The following SNTG2 variants were observed in gnomAD, a reference collection of about 807,000 sequenced individuals.
The protein encoded by SNTG2 is syntrophin gamma 2.
SNTG2 carries 74 observed loss-of-function variants against 70.9 expected under a neutral mutation model. The observed-to-expected ratio is 1.04, with a 90% confidence interval of 0.86 to 1.27. The LOEUF is 1.27. Among genes scored for constraint, SNTG2 ranks in the 50% most tolerant of loss-of-function variants. SNTG2 has a pLI of 0.00. For synonymous variants in SNTG2, 278 were observed against 273.8 expected (o/e 1.02, Z -0.15); for missense variants, 717 against 690.7 (o/e 1.04, Z -0.43).
At chr2:1,248,712 C>T (rs778774390) in intron 12 of SNTG2, among the ~76,000 whole-genome samples, 1 of 152,152 alleles carries the variant, frequency 6.6e-6, no homozygotes, top group Non-Finnish European at 1.5e-5. Context: ...TATTGAAAGA[C>T]TCGGAGGAGG....
chr2:1,299,872 G>T (rs1028259778), intron 14 of SNTG2, among the ~76,000 whole-genome samples: 1 of 152,208 alleles, frequency 6.6e-6, no homozygotes, highest in Non-Finnish European at 1.5e-5. Context: ...AGAATTCAAC[G>T]TAAGGCACTT....
intron 16 of SNTG2, among the ~76,000 whole-genome samples, chr2:1,329,657 T>C (rs1283218398): frequency 1.3e-5 from 2 of 152,216 alleles, no homozygotes; most frequent in Non-Finnish European, 2.9e-5. Context: ...TGCTTTTCTT[T>C]CCTTCATGTG....
chr2:1,151,774 T>C (rs2147808313), intron 6 of SNTG2, among the ~76,000 whole-genome samples: 1 of 152,320 alleles, frequency 6.6e-6, no homozygotes, highest in South Asian at 2.1e-4. Context: ...TGAGCACAGC[T>C]GCTCACACTC....
At chr2:1,346,714 G>C (rs1660302989) in intron 16 of SNTG2, 1 of 152,294 alleles carries the variant, frequency 6.6e-6, no homozygotes, top group African/African-American at 2.4e-5. Context: ...TCGGGTTGCA[G>C]TTTGGTTTCA....
chr2:954,177 G>A (rs905180731), intron 1 of SNTG2, among the ~76,000 whole-genome samples: 1 of 152,192 alleles, frequency 6.6e-6, no homozygotes. Context: ...CTGGGCATGG[G>A]GCGGACACAG....
chr2:978,971 G>C (rs1436542867), intron 1 of SNTG2, among the ~76,000 whole-genome samples: 1 of 152,246 alleles, frequency 6.6e-6, no homozygotes, highest in Non-Finnish European at 1.5e-5. Context: ...CACTTGGTGT[G>C]TTGCAGGCTC....
Position 1,367,465 on chromosome 2 carries a change from C to T in SNTG2, c.1611C>T (p.Tyr537=). The T allele has an allele frequency of 1.3e-6, 2 of 1,550,220 alleles. No homozygotes were observed. Among genetic ancestry groups the T allele is most frequent in the Non-Finnish European group, 1.7e-6 (2 of 1,146,676 alleles). Residue 537 remains tyrosine, a synonymous_variant, in exon 17 of 17, where the codon TAC becomes TAT. Coordinates refer to ENST00000308624, the MANE Select transcript of SNTG2 (RefSeq NM_018968.4). Reference sequence around the variant, plus strand: ...AGAGTCTTGCCAGAAAATACATGTACAGCAGCTAAAGGTTGTTTCTGTTGA... The same window carrying T: ...AGAGTCTTGCCAGAAAATACATGTATAGCAGCTAAAGGTTGTTTCTGTTGA... ...DSQSLARKYM[Y]SS is the part of the protein sequence containing the mutation.
chr2:982,056 C>T (rs867430029), intron 1 of SNTG2, among the ~76,000 whole-genome samples: 1 of 152,164 alleles, frequency 6.6e-6, no homozygotes, highest in African/African-American at 2.4e-5. Context: ...ACACACATGT[C>T]CACACCCACA....
intron 6 of SNTG2, among the ~76,000 whole-genome samples, chr2:1,144,490 G>C (rs1030935231): frequency 6.6e-6 from 1 of 152,150 alleles, no homozygotes; most frequent in Non-Finnish European, 1.5e-5. Context: ...CGAATTTAAA[G>C]AACAGATATT....
chr2:1,132,501 T>G (rs1229593712), intron 4 of SNTG2, among the ~76,000 whole-genome samples: 1 of 152,162 alleles, frequency 6.6e-6, no homozygotes, highest in Non-Finnish European at 1.5e-5. Flanking sequence ...TAGGCAATTT[T>G]CCCTTATGTT....
At chr2:1,017,711 C>T (rs767826381) in intron 1 of SNTG2, among the ~76,000 whole-genome samples, 9 of 152,162 alleles carry the variant, frequency 5.9e-5, no homozygotes, top group Non-Finnish European at 1.2e-4. Flanking sequence ...GAAGAGTTAC[C>T]GTATCTTCTT....
chr2:989,567 A>G (rs187457405), intron 1 of SNTG2, among the ~76,000 whole-genome samples: 3 of 152,174 alleles, frequency 2.0e-5, no homozygotes, highest in Admixed American at 1.3e-4. Flanking sequence ...GGGATTATGT[A>G]TTTTTCTTTT....
At chr2:1,254,604 G>A (rs946958424) in intron 12 of SNTG2, among the ~76,000 whole-genome samples, 2 of 152,162 alleles carry the variant, frequency 1.3e-5, no homozygotes, top group African/African-American at 4.8e-5. Context: ...ATTTGTAGAT[G>A]GAGCAAACTA....
intron 7 of SNTG2, among the ~76,000 whole-genome samples, chr2:1,171,691 G>A (rs2147879698): frequency 6.6e-6 from 1 of 152,278 alleles, no homozygotes; most frequent in South Asian, 2.1e-4. Flanking sequence ...TAAAAGTTAA[G>A]CAATTCTTAT....
chr2:1,172,920 T>C (rs942268370), intron 7 of SNTG2, among the ~76,000 whole-genome samples, 172 bp from the exon 8 acceptor site: 1 of 152,102 alleles, frequency 6.6e-6, no homozygotes, highest in African/African-American at 2.4e-5. Flanking sequence ...GAGGAGACCA[T>C]ATCACAGCAG....
chr2:1,051,335 T>G (rs1662062478), intron 1 of SNTG2, among the ~76,000 whole-genome samples: 1 of 152,190 alleles, frequency 6.6e-6, no homozygotes, highest in African/African-American at 2.4e-5. Context: ...TTACGCTGAG[T>G]ATGACATGTG....
At chr2:1,092,251 GAGA>G (rs1665077561) in intron 2 of SNTG2, among the ~76,000 whole-genome samples, 1 of 146,768 alleles carries the variant, frequency 6.8e-6, no homozygotes, top group Non-Finnish European at 1.5e-5. Flanking sequence ...TTCAATTAGA[GAGA>G]GAAAAAAAAA....
intron 1 of SNTG2, among the ~76,000 whole-genome samples, chr2:1,044,426 A>G (rs1661611643): frequency 6.6e-6 from 1 of 152,112 alleles, no homozygotes; most frequent in Admixed American, 6.5e-5. Flanking sequence ...TTCTAGTACT[A>G]TGTTGAAAGG....
chr2:1,254,941 C>T (rs766437940), intron 12 of SNTG2, among the ~76,000 whole-genome samples: 6 of 152,188 alleles, frequency 3.9e-5, no homozygotes, highest in African/African-American at 9.7e-5. Context: ...GATCTCTCTC[C>T]GGACATGCAA....
Sources: gnomAD v4.1 joint callset for allele counts (sites outside exome capture counted in the v4.1 genomes callset) on GRCh38, gnomAD v4.1.1 for gene constraint, MANE v1.5 for transcripts, NCBI Gene and HGNC (gene_info 2026-07-23, HGNC 2026-07-21) for gene names.